NALF1: variants seen among roughly 807,000 people sequenced by gnomAD.
NALF1 encodes family with sequence similarity 155 member A.
NALF1 carries 3 observed loss-of-function variants against 48.4 expected under a neutral mutation model. That is an observed-to-expected ratio of 0.06 (90% CI 0.03 to 0.16). The LOEUF is 0.16. NALF1 is among the 10% of genes least tolerant of loss of function. The probability of loss-of-function intolerance (pLI) is 1.00; values close to 1 mark genes in which losing one functional copy is unlikely to be tolerated. For synonymous variants in NALF1, 262 were observed against 245.7 expected (o/e 1.07, Z -0.62); for missense variants, 526 against 571.5 (o/e 0.92, Z 0.81).
In NALF1 at chr13:107,818,832, A is replaced by C. The variant is rs552879033; in HGVS notation, c.915+46850T>G. 6.3e-5 allele frequency among the ~76,000 whole-genome samples: 8 copies of C among 126,634 alleles called. 1 individual carries two copies. The highest frequency in any genetic ancestry group is 1.7e-4 in the African/African-American group (5 of 29,806). The allele number at this position is 126,634 out of a possible 152,430, so 83.1% of individuals were successfully genotyped here. On this transcript the variant is annotated intron_variant, in intron 1 of 2. Transcript: ENST00000375915. ...GCTTGCAGTGAGCCGAGATCGCGCC[A>C]CTGCACTCCAGCCTGGGCGACAGAG...
At chr13:107,825,397 T>C (rs886286465) in intron 1 of NALF1, among the ~76,000 whole-genome samples, 1 of 152,180 alleles carries the variant, frequency 6.6e-6, no homozygotes, top group Non-Finnish European at 1.5e-5. Flanking sequence ...TCATGTGACA[T>C]CAGAAAAAAA....
intron 1 of NALF1, among the ~76,000 whole-genome samples, chr13:107,458,076 A>C (rs1262488295): frequency 6.6e-6 from 1 of 152,202 alleles, no homozygotes; most frequent in Non-Finnish European, 1.5e-5. Flanking sequence ...ATACATAGGA[A>C]AACATTCTTC....
chr13:107,672,185 T>C (rs140762407), intron 1 of NALF1, among the ~76,000 whole-genome samples: 175 of 152,332 alleles, frequency 1.1e-3, no homozygotes, highest in African/African-American at 3.8e-3. Context: ...TTAAGCCTAT[T>C]ATCCAATCCA....
At chr13:107,586,228 T>C (rs1174738178) in intron 1 of NALF1, among the ~76,000 whole-genome samples, 2 of 152,250 alleles carry the variant, frequency 1.3e-5, no homozygotes, top group African/African-American at 4.8e-5. Flanking sequence ...ATACTACTAC[T>C]GAATCTTAAT....
intron 1 of NALF1, among the ~76,000 whole-genome samples, chr13:107,819,193 A>AAAT (rs891375824): frequency 6.6e-6 from 1 of 152,026 alleles, no homozygotes; most frequent in African/African-American, 2.4e-5. Context: ...CCAAATAAAT[A>AAAT]AATGATTTGT....
At chr13:107,581,388 A>G (rs9555376) in intron 1 of NALF1, among the ~76,000 whole-genome samples, 1 of 152,336 alleles carries the variant, frequency 6.6e-6, no homozygotes, top group East Asian at 1.9e-4. Context: ...TGAGCTTCCT[A>G]CTTAGCATTT....
At chr13:107,608,416 A>G (rs1457897657) in intron 1 of NALF1, among the ~76,000 whole-genome samples, 2 of 152,234 alleles carry the variant, frequency 1.3e-5, no homozygotes, top group Admixed American at 1.3e-4. Flanking sequence ...CTGAGCCTAC[A>G]GAGATCTGCC....
intron 1 of NALF1, among the ~76,000 whole-genome samples, chr13:107,567,466 T>C (rs1877850280): frequency 6.6e-6 from 1 of 152,238 alleles, no homozygotes; most frequent in Non-Finnish European, 1.5e-5. Context: ...CAACTTCACA[T>C]TTTCTGTTAA....
intron 1 of NALF1, among the ~76,000 whole-genome samples, chr13:107,852,593 A>C (rs146417054): frequency 1.4e-3 from 215 of 152,316 alleles, no homozygotes; most frequent in Non-Finnish European, 2.4e-3. Flanking sequence ...ATTTCGAGGA[A>C]ATGCATGTGG....
At chr13:107,202,030 GATAACATA>G (rs1158385836) in intron 2 of NALF1, among the ~76,000 whole-genome samples, 1 of 152,162 alleles carries the variant, frequency 6.6e-6, no homozygotes, top group Non-Finnish European at 1.5e-5. Context: ...AGTGTCAGAT[GATAACATA>G]ATAACCGGAG....
At chr13:107,249,953 T>C (rs930822244) in intron 1 of NALF1, among the ~76,000 whole-genome samples, 31 of 152,238 alleles carry the variant, frequency 2.0e-4, no homozygotes, top group Admixed American at 1.8e-3. Flanking sequence ...TCCTCAACCT[T>C]CCTTAGTATC....
intron 1 of NALF1, among the ~76,000 whole-genome samples, chr13:107,825,074 A>G (rs1287874050): frequency 1.3e-5 from 2 of 152,218 alleles, no homozygotes. Flanking sequence ...AGGCAACACT[A>G]CTAATAATAA....
chr13:107,394,969 T>C (rs1432582477), intron 1 of NALF1, among the ~76,000 whole-genome samples: 2 of 152,204 alleles, frequency 1.3e-5, no homozygotes, highest in African/African-American at 4.8e-5. Flanking sequence ...CATCCAATGA[T>C]ATCCTGCTTC....
chr13:107,295,218 C>A (rs1226936125), intron 1 of NALF1, among the ~76,000 whole-genome samples: 1 of 152,126 alleles, frequency 6.6e-6, no homozygotes, highest in Non-Finnish European at 1.5e-5. Flanking sequence ...TTAGTTCCTG[C>A]TAATAAGTGA....
At position 107,437,417 on chromosome 13, in the gene NALF1, C is replaced by G. The variant is rs151256030; in HGVS notation, c.916-226662G>C. Among the ~76,000 whole-genome samples, 498 of 152,200 alleles carry G rather than the reference C, an allele frequency of 3.3e-3. 2 individuals carry two copies. Among genetic ancestry groups the G allele is most frequent in the African/African-American group, 0.012 (485 of 41,536 alleles). ...TTCCTTTAAAATAAAAAAAGGACCA[C>G]ACAAAAACTTGTAAGAGAATGCTTA... On this transcript the variant is annotated intron_variant, in intron 1 of 2. Coordinates refer to ENST00000375915, the MANE Select transcript of NALF1 (RefSeq NM_001080396.3).
intron 1 of NALF1, among the ~76,000 whole-genome samples, chr13:107,361,415 A>T (rs1228305794): frequency 6.6e-6 from 1 of 152,188 alleles, no homozygotes. Context: ...AAGCATCTAC[A>T]TATATGTAGA....
chr13:107,833,537 T>A (rs1879804060), intron 1 of NALF1, among the ~76,000 whole-genome samples: 1 of 152,218 alleles, frequency 6.6e-6, no homozygotes, highest in Non-Finnish European at 1.5e-5. Context: ...ATATATTTAC[T>A]TTCTTGGGTG....
rs1555331199 is a variant in NALF1 at position 107,299,715 on chromosome 13, T to TATTC, written c.916-88964_916-88961dup. Among the ~76,000 whole-genome samples, 61 of 146,456 alleles carry TATTC rather than the reference T, an allele frequency of 4.2e-4. 1 individual carries two copies. Among genetic ancestry groups the TATTC allele is most frequent in the African/African-American group, 1.5e-3 (59 of 39,770 alleles). On this transcript the variant is annotated intron_variant, in intron 1 of 2. Coordinates refer to ENST00000375915, the MANE Select transcript of NALF1 (RefSeq NM_001080396.3). ...TTATTTATTTATTTATTTATTTATT[T>TATTC]ATTCGATTATGTATTTGAATAACGT...
At chr13:107,500,279 A>AT (rs199729645) in intron 1 of NALF1, among the ~76,000 whole-genome samples, 4 of 151,954 alleles carry the variant, frequency 2.6e-5, no homozygotes, top group Admixed American at 1.3e-4. Flanking sequence ...AAGAATAGAA[A>AT]TTTTTTTTTA....
Sources: gnomAD v4.1 joint callset for allele counts (sites outside exome capture counted in the v4.1 genomes callset) on GRCh38, gnomAD v4.1.1 for gene constraint, MANE v1.5 for transcripts, NCBI Gene and HGNC (gene_info 2026-07-23, HGNC 2026-07-21) for gene names.